Variants in MTHFSD observed in about 807,000 individuals in gnomAD.
MTHFSD encodes methenyltetrahydrofolate synthetase domain containing.
In MTHFSD, 37 loss-of-function variants were observed where a neutral mutation model predicts 31.1. The observed-to-expected ratio is 1.19, with a 90% CI of 0.91 to 1.56. The LOEUF (loss-of-function observed/expected upper bound fraction) is 1.56, where lower values mean the gene tolerates loss of function less well. MTHFSD is among the 40% of genes most tolerant of loss of function. The pLI is 0.00. For missense variants in MTHFSD, 664 were observed against 510.1 expected (o/e 1.30, Z -2.91); for synonymous variants, 221 against 206.9 (o/e 1.07, Z -0.59).
Position 86,541,264 on chromosome 16 carries a change from G to A in MTHFSD, c.681+433C>T, listed in dbSNP as rs76089862. The A allele has an allele frequency of 5.8e-6, 7 of 1,214,580 alleles. No homozygotes were observed. The East Asian group carries it at 4.0e-4, about 69-fold the overall frequency. 75.2% of individuals were successfully genotyped at this position (1,214,580 alleles called of 1,614,324 possible). On this transcript the variant is annotated intron_variant, in intron 7 of 7. Coordinates refer to ENST00000360900, the MANE Select transcript of MTHFSD (RefSeq NM_001159377.2). ...TTGGTACTGCCTCCTACTCAGGCTA[G>A]ATCTGCTTGAAGATCCAGATCGTCA... is the stretch of plus-strand genomic sequence containing the variant.
At chr16:86,534,411 G>C (rs147022638) in intron 7 of MTHFSD, among the ~76,000 whole-genome samples, 152 of 152,250 alleles carry the variant, frequency 1.0e-3, no homozygotes, top group African/African-American at 3.5e-3. Context: ...GATTTCTGCC[G>C]CAAAACCCCA....
chr16:86,540,618 G>C (rs1971365423), intron 7 of MTHFSD: 6 of 950,052 alleles, frequency 6.3e-6, no homozygotes, highest in Non-Finnish European at 7.5e-6. Flanking sequence ...TCTCGGCTCT[G>C]AGGAGCCGCC....
At chr16:86,548,141 C>T (rs1184696344) in intron 4 of MTHFSD, 2 of 1,300,604 alleles carry the variant, frequency 1.5e-6, no homozygotes, top group Admixed American at 2.3e-5. Flanking sequence ...TAAGAAAAAG[C>T]TCCACAATAC....
At chr16:86,544,496 A>G (rs1251154281) in intron 5 of MTHFSD, among the ~76,000 whole-genome samples, 1 of 152,246 alleles carries the variant, frequency 6.6e-6, no homozygotes, top group African/African-American at 2.4e-5. Context: ...ATCACTGATC[A>G]TTAGAGGAAT....
chr16:86,546,560 T>A lies in MTHFSD; in HGVS notation c.441A>T (p.Lys147Asn). 1.2e-6 allele frequency: 2 copies of A among 1,613,374 alleles called. No homozygotes were observed. The highest frequency in any genetic ancestry group is 1.7e-6 in the Non-Finnish European group (2 of 1,179,564). Residue 147 changes from lysine to asparagine, a missense_variant and splice_region_variant, in exon 5 of 8, where the codon AAA becomes AAT. Transcript: ENST00000360900. ...VVVGSVAVSE[K>N]GWRIGKGEGY... Reference sequence around the variant, plus strand: ...AGGGTTCCCATCTGCTAGTCTTACCTTTTTCAGAAACGGCGACGGATCCCA... The same window carrying A: ...AGGGTTCCCATCTGCTAGTCTTACCATTTTCAGAAACGGCGACGGATCCCA...
Position 86,542,086 on chromosome 16 carries a change from A to T in MTHFSD, c.555+15T>A, listed in dbSNP as rs1971609065. The T allele has an allele frequency of 6.2e-7, 1 of 1,609,684 alleles. No homozygotes were observed. The highest frequency in any genetic ancestry group is 1.3e-5 in the African/African-American group (1 of 74,868). ...GAATGGCAGTGGCTCTGCTCAGCCC[A>T]TTCATAAGGAGCACCTGGCAGTCGT... On this transcript the variant is annotated intron_variant, in intron 6 of 7. Transcript: ENST00000360900. This position sits in a 1 kb window ranked among gnomAD's most constrained non-coding sequence, Gnocchi z 4.6.
At chr16:86,534,222 C>T (rs189650942) in intron 7 of MTHFSD, among the ~76,000 whole-genome samples, 7 of 152,368 alleles carry the variant, frequency 4.6e-5, no homozygotes, top group East Asian at 1.9e-4. Flanking sequence ...ACTGGGCCCT[C>T]GGCCATCCTT....
In MTHFSD at chr16:86,554,668, G is replaced by A; in HGVS notation, c.100C>T (p.His34Tyr). The change falls in exon 2 of 8, where the codon CAT becomes TAT. Residue 34 changes from histidine to tyrosine, a missense_variant. By Grantham distance (83) the His-to-Tyr change is moderately conservative. Coordinates refer to ENST00000360900, the MANE Select transcript of MTHFSD (RefSeq NM_001159377.2). Reference protein sequence around the residue: ...QNLADFPRPVHHRIPNFKGSY... With the variant: ...QNLADFPRPVYHRIPNFKGSY... ...ACCTTAAAGTTGGGTATCCTGTGAT[G>A]AACAGGTCGGGGAAAGTCAGCTAAA... is the stretch of plus-strand genomic sequence containing the variant. 6.2e-7 allele frequency: 1 copy of A among 1,614,088 alleles called. No individual in the cohort carries two copies.
At chr16:86,548,689 G>T (rs1264538612) in intron 3 of MTHFSD, 112 bp from the exon 4 acceptor site, 4 of 787,390 alleles carry the variant, frequency 5.1e-6, no homozygotes, top group Admixed American at 6.6e-5. Context: ...TATCCGCATG[G>T]TTTTTTTTGG....
intron 5 of MTHFSD, among the ~76,000 whole-genome samples, chr16:86,544,535 C>G (rs1253406128): frequency 6.6e-6 from 1 of 152,210 alleles, no homozygotes; most frequent in Admixed American, 6.5e-5. Context: ...GAGACACCAC[C>G]TCATGCCAGT....
chr16:86,536,528 G>A (rs537341147), intron 7 of MTHFSD, among the ~76,000 whole-genome samples: 2 of 152,340 alleles, frequency 1.3e-5, no homozygotes, highest in East Asian at 1.9e-4. Flanking sequence ...GAGTGCTGAC[G>A]GACAGCAGGG....
chr16:86,535,352 C>T, intron 7 of MTHFSD: 1 of 741,954 alleles, frequency 1.3e-6, no homozygotes, highest in Non-Finnish European at 1.6e-6. Context: ...GGCTTTGCCA[C>T]TCTGCCAGCA....
chr16:86,533,225 T>C (rs1316819864), intron 7 of MTHFSD: 1 of 152,232 alleles, frequency 6.6e-6, no homozygotes, highest in Non-Finnish European at 1.5e-5. Flanking sequence ...GCGGGCCCCT[T>C]GGAACAGACT....
At chr16:86,535,367 G>C (rs1338449102) in intron 7 of MTHFSD, 1 of 985,050 alleles carries the variant, frequency 1.0e-6, no homozygotes, top group East Asian at 1.1e-4. Context: ...CCAGCAGCTG[G>C]ATGACCACGC....
chr16:86,531,953 G>A lies in MTHFSD; in HGVS notation c.*58C>T, dbSNP rs1435380091. The A allele has an allele frequency of 7.4e-6, 9 of 1,217,230 alleles. No individual in the cohort carries two copies. Among genetic ancestry groups the A allele is most frequent in the East Asian group, 2.9e-5 (1 of 33,946 alleles). 75.4% of individuals were successfully genotyped at this position (1,217,230 alleles called of 1,614,324 possible). A position where few individuals can be genotyped will look rare whatever the true frequency, so the allele number is the denominator to read the frequency against. On this transcript the variant is annotated 3_prime_UTR_variant, in exon 8 of 8. Transcript: ENST00000360900. This position sits in a 1 kb window ranked among gnomAD's most constrained non-coding sequence, Gnocchi z 5.5. ...AGGCCTCTCGAGTGCCATCGGAACCGGAGCGGCAGGGGACGGGGATGGCGA... is the reference window on the plus strand; with the variant it reads ...AGGCCTCTCGAGTGCCATCGGAACCAGAGCGGCAGGGGACGGGGATGGCGA...
At chr16:86,533,121 C>G (rs935497588) in intron 7 of MTHFSD, 10 of 152,250 alleles carry the variant, frequency 6.6e-5, no homozygotes, top group Non-Finnish European at 1.2e-4. Context: ...AAATCAGTAA[C>G]GCTATGCGAA....
chr16:86,548,546 C>T lies in MTHFSD; in HGVS notation c.269G>A (p.Arg90Gln), dbSNP rs778086208. The T allele has an allele frequency of 6.2e-6, 10 of 1,612,534 alleles. No individual in the cohort carries two copies. The highest frequency in any genetic ancestry group is 1.1e-5 in the South Asian group (1 of 90,520). Residue 90 changes from arginine to glutamine, a missense_variant, in exon 4 of 8, where the codon CGA becomes CAA. Coordinates refer to ENST00000360900, the MANE Select transcript of MTHFSD (RefSeq NM_001159377.2). ...CTTATTAAACAATCCCGTTCTCAGT[C>T]GTGGTGTTGGAACCAACAATGTTTT... ...SKKTLLVPTP[R>Q]LRTGLFNKIT...
chr16:86,538,507 C>T (rs902520178), intron 7 of MTHFSD, among the ~76,000 whole-genome samples: 6 of 152,212 alleles, frequency 3.9e-5, no homozygotes, highest in South Asian at 2.1e-4. Flanking sequence ...ATTTCACTCC[C>T]GACAAGGGCA....
chr16:86,547,463 G>A, intron 4 of MTHFSD: 1 of 986,116 alleles, frequency 1.0e-6, no homozygotes, highest in Non-Finnish European at 1.2e-6. Context: ...TGGCTTGGGG[G>A]TCTCCCGACA....
Sources: gnomAD v4.1 joint callset for allele counts (sites outside exome capture counted in the v4.1 genomes callset) on GRCh38, gnomAD v4.1.1 for gene constraint, Gnocchi (gnomAD v3.1) non-coding constraint, MANE v1.5 for transcripts, NCBI Gene and HGNC (gene_info 2026-07-23, HGNC 2026-07-21) for gene names.